Variants in NEBL observed in about 807,000 individuals in gnomAD.
NEBL encodes the protein LIM and SH3 protein 2.
Under a neutral mutation model 140.2 loss-of-function variants are expected in NEBL, and 122 were observed. The ratio of observed to expected loss-of-function variants is 0.87; its 90% CI spans 0.75 to 1.01. The LOEUF (loss-of-function observed/expected upper bound fraction) is 1.01, where lower values mean the gene tolerates loss of function less well. Ranked by LOEUF, NEBL falls within the 50% of genes least tolerant of loss-of-function variation. The pLI, the probability that NEBL is intolerant of heterozygous loss-of-function variation, is 0.00. For missense variants in NEBL, 1,365 were observed against 1,231.3 expected, an observed-to-expected ratio of 1.11 and a Z score of -1.62; for synonymous variants, 436 against 398.9, an observed-to-expected ratio of 1.09 and a Z score of -1.11.
intron 3 of NEBL, among the ~76,000 whole-genome samples, chr10:20,972,689 G>A (rs552761603): frequency 6.6e-6 from 1 of 152,064 alleles, no homozygotes; most frequent in Non-Finnish European, 1.5e-5. Flanking sequence ...AGAGGCTGCA[G>A]TGAGCCAAGA....
In NEBL at chr10:21,153,732, T is replaced by C. The variant is rs1054405641; in HGVS notation, c.164+18651A>G. 3.3e-5 allele frequency among the ~76,000 whole-genome samples: 5 copies of C among 152,068 alleles called. No individual in the cohort carries two copies. In the South Asian group the frequency reaches 1.0e-3, roughly 32 times the overall value. Reference sequence around the variant, plus strand: ...GGTTTCACCATGTTGGTCAGGCTGGTCTCGAACTCCTGACCTCGTGATCCT... The same window carrying C: ...GGTTTCACCATGTTGGTCAGGCTGGCCTCGAACTCCTGACCTCGTGATCCT... On this transcript the variant is annotated intron_variant, in intron 2 of 6. Coordinates refer to the NEBL transcript ENST00000417816.
chr10:20,823,411 T>G, intron 18 of NEBL, 111 bp from the exon 19 acceptor site: 1 of 762,656 alleles, frequency 1.3e-6, no homozygotes, highest in Non-Finnish European at 2.1e-6. Flanking sequence ...AATTCCAACA[T>G]TACTTTTCCT....
intron 3 of NEBL, among the ~76,000 whole-genome samples, chr10:21,205,963 C>T (rs1841818497): frequency 6.6e-6 from 1 of 152,188 alleles, no homozygotes; most frequent in African/African-American, 2.4e-5. Flanking sequence ...TGATTAGTAT[C>T]AGCAGGCACA....
At chr10:21,070,063 G>A (rs752376721) in intron 2 of NEBL, 13 of 453,820 alleles carry the variant, frequency 2.9e-5, no homozygotes, top group Admixed American at 1.2e-4. Context: ...CTCACACTTC[G>A]GGACAGGAAG....
chr10:21,036,832 A>G (rs1162887094), intron 2 of NEBL, among the ~76,000 whole-genome samples: 5 of 152,158 alleles, frequency 3.3e-5, no homozygotes, highest in Non-Finnish European at 7.3e-5. Context: ...TTAGGCCTGG[A>G]GGTGACTTGG....
At chr10:20,880,582 A>T (rs1845924240) in intron 5 of NEBL, among the ~76,000 whole-genome samples, 1 of 152,188 alleles carries the variant, frequency 6.6e-6, no homozygotes, top group Admixed American at 6.5e-5. Flanking sequence ...CAAAATTCCA[A>T]TGCCTGAAAG....
At chr10:20,997,645 T>C (rs1488643059) in intron 3 of NEBL, among the ~76,000 whole-genome samples, 3 of 152,294 alleles carry the variant, frequency 2.0e-5, no homozygotes, top group Admixed American at 6.5e-5. Flanking sequence ...AATTGGGTAC[T>C]TTCTATGATC....
rs1451965356 is a variant in NEBL, at chr10:21,249,432, T to TA, written n.280-1444dup. 1.3e-5 allele frequency among the ~76,000 whole-genome samples: 2 copies of TA among 152,098 alleles called. 1 individual carries two copies. Among genetic ancestry groups the TA allele is most frequent in the East Asian group, 3.9e-4 (2 of 5,192 alleles). ...CTTTTGTTGCCCATGCTGTGAGTGT[T>TA]ACAACCAAAAAATCATGACCCAATC... On this transcript the variant is annotated intron_variant and non_coding_transcript_variant, in intron 2 of 8. Transcript: ENST00000675702.
intron 1 of NEBL, among the ~76,000 whole-genome samples, chr10:21,289,444 T>G (rs1032624153): frequency 8.5e-5 from 13 of 152,254 alleles, no homozygotes; most frequent in Non-Finnish European, 1.5e-5. Flanking sequence ...AATTTGTTTT[T>G]CTAAAATATG....
At chr10:21,263,251 A>G (rs1046317838) in intron 1 of NEBL, among the ~76,000 whole-genome samples, 8 of 152,220 alleles carry the variant, frequency 5.3e-5, no homozygotes, top group Admixed American at 1.3e-4. Flanking sequence ...ATCACAGCCA[A>G]TAAGTCAAGA....
chr10:21,013,240 T>C (rs1026976338), intron 3 of NEBL, among the ~76,000 whole-genome samples: 3 of 152,302 alleles, frequency 2.0e-5, no homozygotes, highest in Non-Finnish European at 2.9e-5. Flanking sequence ...CTCATTCACA[T>C]TCACCCATTC....
chr10:20,993,037 C>A (rs548825830), intron 3 of NEBL, among the ~76,000 whole-genome samples: 1 of 152,052 alleles, frequency 6.6e-6, no homozygotes, highest in South Asian at 2.1e-4. Context: ...CCCGCCTCGG[C>A]CTCCCAAAGT....
chr10:20,815,548 A>T (rs1279965838), intron 22 of NEBL, 77 bp downstream of exon 22: 13 of 1,158,548 alleles, frequency 1.1e-5, no homozygotes, highest in Non-Finnish European at 1.6e-5. Context: ...TTTTATTTTC[A>T]CAAGCAAAGG....
chr10:20,861,446 T>G (rs1391813882), intron 7 of NEBL, among the ~76,000 whole-genome samples: 4 of 152,212 alleles, frequency 2.6e-5, no homozygotes, highest in African/African-American at 9.6e-5. Context: ...CCCAAAGTGC[T>G]GGGATTACAG....
chr10:21,079,951 G>A (rs1021239224), intron 2 of NEBL, among the ~76,000 whole-genome samples: 1 of 152,166 alleles, frequency 6.6e-6, no homozygotes, highest in Non-Finnish European at 1.5e-5. Context: ...TCCTCAGAGA[G>A]GGGCGGAGTA....
chr10:20,903,248 C>T (rs1588984171), intron 4 of NEBL, among the ~76,000 whole-genome samples: 1 of 152,016 alleles, frequency 6.6e-6, no homozygotes, highest in African/African-American at 2.4e-5. Context: ...ATACAAATGG[C>T]TCACATATGA....
At chr10:20,863,390 G>A (rs569954584) in intron 7 of NEBL, among the ~76,000 whole-genome samples, 1 of 152,144 alleles carries the variant, frequency 6.6e-6, no homozygotes, top group Non-Finnish European at 1.5e-5. Context: ...CTTGATAAGT[G>A]TACCTTAATT....
chr10:21,179,971 T>C (rs1264291139), intron 3 of NEBL, among the ~76,000 whole-genome samples: 1 of 152,014 alleles, frequency 6.6e-6, no homozygotes, highest in South Asian at 2.1e-4. Flanking sequence ...ACCCCATCTT[T>C]ACTAAAAATA....
At chr10:20,935,162 A>G (rs1409724422) in intron 4 of NEBL, among the ~76,000 whole-genome samples, 1 of 152,196 alleles carries the variant, frequency 6.6e-6, no homozygotes, top group Admixed American at 6.5e-5. Flanking sequence ...CCTTCAACAC[A>G]GTGTGGTAAG....
Sources: allele counts gnomAD v4.1 joint callset (sites outside exome capture counted in the v4.1 genomes callset), GRCh38; gene constraint gnomAD v4.1.1; transcripts MANE v1.5; gene names NCBI Gene and HGNC (gene_info 2026-07-23, HGNC 2026-07-21).